HDAC9: variants seen among roughly 807,000 people sequenced by gnomAD.
The protein encoded by HDAC9 is MEF-2 interacting transcription repressor (MITR) protein.
Under a neutral mutation model 139.4 loss-of-function variants are expected in HDAC9, and 41 were observed. That is an observed-to-expected ratio of 0.29 (90% CI 0.23 to 0.38). The LOEUF (loss-of-function observed/expected upper bound fraction) is 0.38, where lower values mean the gene tolerates loss of function less well. HDAC9 is among the 10% of genes least tolerant of loss of function. HDAC9 has a pLI of 1.00. For missense variants in HDAC9, 1,147 were observed against 1,297.0 expected, an observed-to-expected ratio of 0.88 and a Z score of 1.78; for synonymous variants, 517 against 476.2, an observed-to-expected ratio of 1.09 and a Z score of -1.12.
At chr7:18,406,176 A>G (rs565106223) in intron 1 of HDAC9, among the ~76,000 whole-genome samples, 1 of 152,362 alleles carries the variant, frequency 6.6e-6, no homozygotes, top group East Asian at 1.9e-4. Flanking sequence ...TTTATAAATT[A>G]TTTAATCGAT....
At chr7:18,209,796 T>G (rs1017544281) in intron 2 of HDAC9, among the ~76,000 whole-genome samples, 1 of 151,822 alleles carries the variant, frequency 6.6e-6, no homozygotes, top group African/African-American at 2.4e-5. Flanking sequence ...CGCCTCCCAG[T>G]TTCACGCCAT....
chr7:18,347,585 T>C (rs1782515465), intron 1 of HDAC9, among the ~76,000 whole-genome samples: 2 of 152,128 alleles, frequency 1.3e-5, no homozygotes, highest in South Asian at 4.1e-4. Flanking sequence ...CATGTTCTTA[T>C]TTATTTTATT....
At chr7:18,418,917 G>A (rs917220611) in intron 1 of HDAC9, among the ~76,000 whole-genome samples, 10 of 152,098 alleles carry the variant, frequency 6.6e-5, no homozygotes, top group African/African-American at 2.2e-4. Flanking sequence ...TTCAAAGATT[G>A]ATTACCTAAG....
intron 2 of HDAC9, among the ~76,000 whole-genome samples, chr7:18,192,586 T>C (rs1026620328): frequency 6.6e-6 from 1 of 152,130 alleles, no homozygotes; most frequent in Non-Finnish European, 1.5e-5. Flanking sequence ...AATTTGCTTT[T>C]GGAAATGTCA....
At chr7:18,948,161 A>C (rs1352224819) in intron 23 of HDAC9, among the ~76,000 whole-genome samples, 1 of 152,006 alleles carries the variant, frequency 6.6e-6, no homozygotes, top group Non-Finnish European at 1.5e-5. Flanking sequence ...AATCGAAAAC[A>C]AGACGAAGAT....
At chr7:18,753,812 G>C (rs1483012569) in intron 14 of HDAC9, among the ~76,000 whole-genome samples, 1 of 151,994 alleles carries the variant, frequency 6.6e-6, no homozygotes, top group Non-Finnish European at 1.5e-5. Context: ...CTGATCTTTG[G>C]TTTTCCTATG....
At chr7:18,374,817 A>G (rs1784866901) in intron 1 of HDAC9, among the ~76,000 whole-genome samples, 1 of 152,116 alleles carries the variant, frequency 6.6e-6, no homozygotes, top group Non-Finnish European at 1.5e-5. Context: ...TCAATGACAG[A>G]TGGTATGTAC....
At chr7:18,888,156 TC>T (rs1221078126) in intron 22 of HDAC9, among the ~76,000 whole-genome samples, 1 of 151,926 alleles carries the variant, frequency 6.6e-6, no homozygotes, top group East Asian at 1.9e-4. Flanking sequence ...GTGCGGTGGC[TC>T]CCGCCTGTAA....
chr7:18,501,390 A>G (rs778631566), intron 2 of HDAC9, among the ~76,000 whole-genome samples: 4 of 152,060 alleles, frequency 2.6e-5, no homozygotes, highest in Non-Finnish European at 5.9e-5. Context: ...ATAGAAACAC[A>G]TACTTAAAAA....
chr7:18,711,932 CTT>C (rs10713737), intron 12 of HDAC9, among the ~76,000 whole-genome samples: 21,528 of 142,872 alleles, frequency 0.15, 1,856 homozygotes, highest in East Asian at 0.28. Flanking sequence ...CACCATACTT[CTT>C]TTTTTTTTTT....
At chr7:18,721,421 C>G (rs1217863484) in intron 12 of HDAC9, among the ~76,000 whole-genome samples, 1 of 151,732 alleles carries the variant, frequency 6.6e-6, no homozygotes, top group African/African-American at 2.4e-5. Flanking sequence ...CTTTTTTTCA[C>G]TCACCATATT....
At chr7:18,496,646 G>A (rs1187841731) in intron 2 of HDAC9, 1 of 262,828 alleles carries the variant, frequency 3.8e-6, no homozygotes, top group Non-Finnish European at 7.2e-6. Flanking sequence ...TGTACTGATT[G>A]TAAGCCTATT....
intron 2 of HDAC9, among the ~76,000 whole-genome samples, chr7:18,562,553 G>T (rs1820942522): frequency 6.6e-6 from 1 of 152,036 alleles, no homozygotes; most frequent in Non-Finnish European, 1.5e-5. Context: ...GTCTAAAATT[G>T]ATTAACCATA....
At chr7:18,769,385 T>A (rs941938378) in intron 16 of HDAC9, among the ~76,000 whole-genome samples, 4 of 152,052 alleles carry the variant, frequency 2.6e-5, no homozygotes, top group African/African-American at 7.2e-5. Flanking sequence ...AAGTCCTTAG[T>A]AATGTCCCTA....
chr7:18,314,237 A>G (rs1406004896), intron 1 of HDAC9, among the ~76,000 whole-genome samples: 1 of 152,178 alleles, frequency 6.6e-6, no homozygotes, highest in Non-Finnish European at 1.5e-5. Context: ...AGAGATAGTA[A>G]TAAGCCTGCC....
intron 1 of HDAC9, among the ~76,000 whole-genome samples, chr7:18,449,168 A>G (rs1271613485): frequency 6.6e-6 from 1 of 152,184 alleles, no homozygotes; most frequent in Non-Finnish European, 1.5e-5. Flanking sequence ...TTCCAAAAGT[A>G]CATGCACAAG....
At chr7:18,990,444 T>A (rs1785798013) in intron 25 of HDAC9, among the ~76,000 whole-genome samples, 1 of 152,240 alleles carries the variant, frequency 6.6e-6, no homozygotes, top group Non-Finnish European at 1.5e-5. Context: ...GCCACTGCTC[T>A]CTTCAATGCT....
chr7:18,703,641 T>A (rs1783671171), intron 12 of HDAC9, among the ~76,000 whole-genome samples: 1 of 152,210 alleles, frequency 6.6e-6, no homozygotes, highest in Non-Finnish European at 1.5e-5. Flanking sequence ...TGCATGTTTA[T>A]GAAGGATTTC....
chr7:18,725,708 CT>C (rs1785492360), intron 12 of HDAC9, among the ~76,000 whole-genome samples: 1 of 152,118 alleles, frequency 6.6e-6, no homozygotes, highest in African/African-American at 2.4e-5. Flanking sequence ...TGTGGAAAAG[CT>C]TCCTTTTCCC....
Sources: allele counts gnomAD v4.1 joint callset (sites outside exome capture counted in the v4.1 genomes callset), GRCh38; gene constraint gnomAD v4.1.1; transcripts MANE v1.5; gene names NCBI Gene and HGNC (gene_info 2026-07-23, HGNC 2026-07-21).